Variants in STRN4 observed in about 807,000 individuals in gnomAD.
The protein encoded by STRN4 is striatin-4.
Under a neutral mutation model 77.9 loss-of-function variants are expected in STRN4, and 27 were observed. The ratio of observed to expected loss-of-function variants is 0.35; its 90% confidence interval spans 0.26 to 0.48. STRN4 has a LOEUF of 0.48. Ranked by LOEUF, STRN4 falls within the 20% of genes least tolerant of loss-of-function variation. The pLI is 0.99. For synonymous variants in STRN4, 466 were observed against 443.1 expected, an observed-to-expected ratio of 1.05 and a Z score of -0.65; for missense variants, 798 against 1,049.7, an observed-to-expected ratio of 0.76 and a Z score of 3.31.
At position 46,738,704 on chromosome 19, in the gene STRN4, A is replaced by G; in HGVS notation, c.386+81T>C. On this transcript the variant is annotated intron_variant, in intron 2 of 17. Transcript: ENST00000263280. The surrounding 1 kb of genome is among the most constrained non-coding windows in gnomAD (Gnocchi z 4.5). The stretch of plus-strand genomic sequence containing the variant: ...TCGACCCCAAATCTCCCTTAGCTGG[A>G]AGGAGGCGTGGCTGGTGGCCTCCTG... 1 of 1,302,538 alleles carries G rather than the reference A, an allele frequency of 7.7e-7. No homozygotes were observed. Among genetic ancestry groups the G allele is most frequent in the African/African-American group, 1.5e-5 (1 of 68,804 alleles). The allele number at this position is 1,302,538 out of a possible 1,614,324, so 80.7% of individuals were successfully genotyped here. A position where few individuals can be genotyped will look rare whatever the true frequency, so the allele number is the denominator to read the frequency against.
intron 12 of STRN4, 75 bp downstream of exon 12, chr19:46,724,732 G>T: frequency 6.2e-7 from 1 of 1,602,236 alleles, no homozygotes; most frequent in South Asian, 1.1e-5. Flanking sequence ...AGAGGTGGAC[G>T]CGACGTGTGT....
chr19:46,731,507 T>G (rs1382442630), intron 5 of STRN4: 1 of 152,886 alleles, frequency 6.5e-6, no homozygotes, highest in Non-Finnish European at 1.5e-5. Flanking sequence ...CAATTCCAAG[T>G]GCAGATCGAC....
chr19:46,735,513 A>G (rs2054341486), intron 4 of STRN4, among the ~76,000 whole-genome samples: 1 of 152,152 alleles, frequency 6.6e-6, no homozygotes, highest in South Asian at 2.1e-4. Context: ...AACAGAGGCA[A>G]AAATACACAG....
rs1265472530 is a variant in STRN4 at position 46,741,948 on chromosome 19, T to C, written c.283-3060A>G. Among the ~76,000 whole-genome samples, 4 of 152,244 alleles carry C rather than the reference T, an allele frequency of 2.6e-5. No individual in the cohort carries two copies. In the East Asian group the frequency reaches 7.7e-4, roughly 29 times the overall value. On this transcript the variant is annotated intron_variant, in intron 1 of 17. Transcript: ENST00000263280. This position sits in a 1 kb window ranked among gnomAD's most constrained non-coding sequence, Gnocchi z 4.9. ...GGCAGGGGCAGCTCCGCACATTCTCTGCTGGCACCGCACTCACTGCAGGTC... is the reference window on the plus strand; with the variant it reads ...GGCAGGGGCAGCTCCGCACATTCTCCGCTGGCACCGCACTCACTGCAGGTC...
At chr19:46,722,145 C>G (rs2053992738) in intron 15 of STRN4, 73 bp from the exon 16 acceptor site, 1 of 1,601,842 alleles carries the variant, frequency 6.2e-7, no homozygotes, top group Non-Finnish European at 8.5e-7. Flanking sequence ...AAGGACTGGA[C>G]GAGAGACTCC....
rs1369126267 is a variant in STRN4 at position 46,730,834 on chromosome 19, G to A, written c.777C>T (p.Gly259=). Residue 259 remains glycine (G), a synonymous_variant, in exon 6 of 18, where the codon GGC becomes GGT. Coordinates refer to ENST00000263280, the MANE Select transcript of STRN4 (RefSeq NM_013403.3). ...GGAAGGGGATCTGCCCCAGCACTGA[G>A]CCGCCCAAGCGCTCTTTGCCATCTT... is the stretch of plus-strand genomic sequence containing the variant. The part of the protein sequence containing the change: ...AGKDGKERLG[G]SVLGQIPFLQ... 2.5e-6 allele frequency: 4 copies of A among 1,612,328 alleles called. No homozygotes were observed. In the Admixed American group the frequency reaches 6.7e-5, roughly 27 times the overall value.
At chr19:46,728,195 T>A (rs2054166993) in intron 7 of STRN4, 188 bp from the exon 8 acceptor site, 1 of 706,730 alleles carries the variant, frequency 1.4e-6, no homozygotes, top group Non-Finnish European at 2.5e-6. Flanking sequence ...AGTGGGCAGG[T>A]CACTGCCTTG....
In STRN4 at chr19:46,722,810, C is replaced by T. The variant is rs2122226489; in HGVS notation, c.1906G>A (p.Gly636Ser). 1 of 1,613,668 alleles carries T rather than the reference C, an allele frequency of 6.2e-7. No homozygotes were observed. Residue 636 changes from glycine (G) to serine (S), a missense_variant and splice_region_variant, in exon 14 of 18, where the codon GGT becomes AGT. Gly to Ser is a moderately conservative substitution (Grantham distance 56, BLOSUM62 0). Transcript: ENST00000263280. ...LLTLESRGSS[G>S]PTQINQVVSH... ...CATGAGCTGATGTCAGCCCCCTTAC[C>T]GCTGCTGCCCCGGGACTCCAGCGTG...
intron 8 of STRN4, 65 bp from the exon 9 acceptor site, chr19:46,727,611 G>T: frequency 7.4e-7 from 1 of 1,357,764 alleles, no homozygotes; most frequent in Non-Finnish European, 1.0e-6. Context: ...GCCAGGGAGA[G>T]AGAGAATGAC....
chr19:46,727,044 A>AGCTCCCAGCTGGCCAAAG (rs542531236), intron 9 of STRN4, among the ~76,000 whole-genome samples: 3 of 151,792 alleles, frequency 2.0e-5, no homozygotes, highest in African/African-American at 4.8e-5. Flanking sequence ...CCACACCAAA[A>AGCTCCCAGCTGGCCAAAG]GCTCCCAGCT....
chr19:46,745,946 C>T (rs1171656908), intron 1 of STRN4: 1 of 555,116 alleles, frequency 1.8e-6, no homozygotes, highest in Non-Finnish European at 2.8e-6. Context: ...CGGGCCGTCC[C>T]GGTCCCGTCC....
intron 16 of STRN4, 52 bp from the exon 17 acceptor site, chr19:46,720,823 C>T (rs750954409): frequency 1.7e-5 from 25 of 1,494,308 alleles, no homozygotes; most frequent in Middle Eastern, 1.8e-4. Flanking sequence ...CTCGCTCAGA[C>T]GCAGCCCTGG....
rs1599860326 is a variant in STRN4, at chr19:46,723,860, G to A, written c.1595-576C>T. On this transcript the variant is annotated intron_variant, in intron 12 of 17. Transcript: ENST00000263280. This position sits in a 1 kb window ranked among gnomAD's most constrained non-coding sequence, Gnocchi z 5.5. ...GGACCGATCCTGACCTTGTGCAGGTGAGCCTGTTCTCTAAAGTCTGTCCTC... is the reference window on the plus strand; with the variant it reads ...GGACCGATCCTGACCTTGTGCAGGTAAGCCTGTTCTCTAAAGTCTGTCCTC... Among the ~76,000 whole-genome samples, 1 of 152,198 alleles carries A rather than the reference G, an allele frequency of 6.6e-6. No homozygotes were observed. The highest frequency in any genetic ancestry group is 2.1e-4 in the South Asian group (1 of 4,832).
In STRN4 at chr19:46,720,518, C is replaced by A. The variant is rs371929132; in HGVS notation, c.*66+18G>T. 1.4e-6 allele frequency: 2 copies of A among 1,415,326 alleles called. No individual in the cohort carries two copies. Among genetic ancestry groups the A allele is most frequent in the South Asian group, 1.6e-5 (1 of 63,720 alleles). 87.7% of individuals were successfully genotyped at this position (1,415,326 alleles called of 1,614,324 possible). The stretch of plus-strand genomic sequence containing the variant: ...CATGGGCGTGCAGAGACTCAGAATG[C>A]GGGGTTTCTGCCCTCACCTCAGCCC... On this transcript the variant is annotated intron_variant, in intron 17 of 17. Transcript: ENST00000263280.
intron 8 of STRN4, 119 bp downstream of exon 8, chr19:46,727,775 A>C (rs1599869564): frequency 2.1e-6 from 2 of 945,584 alleles, no homozygotes; most frequent in Non-Finnish European, 3.1e-6. Flanking sequence ...TGGGGCAGGG[A>C]GGCTGCAGAC....
Position 46,738,201 on chromosome 19 carries a change from C to G in STRN4, c.423G>C (p.Leu141=). 6.2e-7 allele frequency: 1 copy of G among 1,614,198 alleles called. No individual in the cohort carries two copies. The highest frequency in any genetic ancestry group is 2.2e-5 in the East Asian group (1 of 44,882). Residue 141 remains leucine, a synonymous_variant, in exon 3 of 18, where the codon CTG becomes CTC. Coordinates refer to ENST00000263280, the MANE Select transcript of STRN4 (RefSeq NM_013403.3). This position sits in a 1 kb window ranked among gnomAD's most constrained non-coding sequence, Gnocchi z 4.5. ...KYHKLKFGTD[L]NQGEKKADVS... is the part of the protein sequence containing the mutation. ...CATCTGCTTTCTTCTCCCCCTGGTT[C>G]AGGTCTGTCCCAAACTTCAGTTTAT...
intron 3 of STRN4, among the ~76,000 whole-genome samples, chr19:46,737,395 G>A (rs781676195): frequency 6.6e-6 from 1 of 152,238 alleles, no homozygotes; most frequent in Non-Finnish European, 1.5e-5. Flanking sequence ...CCAGGGGCCT[G>A]GGCTACATGG....
chr19:46,739,931 C>A (rs1164389909), intron 1 of STRN4, among the ~76,000 whole-genome samples: 2 of 152,188 alleles, frequency 1.3e-5, no homozygotes, highest in African/African-American at 2.4e-5. Flanking sequence ...TTCGCAACTT[C>A]GAAATGGGCC....
chr19:46,741,237 G>A lies in STRN4; in HGVS notation c.283-2349C>T, dbSNP rs913876910. ...GAACGGTAGTGGCTTGGACTAGGCCGGGGCAGTGGACACAGTAGTGGTCTA... is the reference window on the plus strand; with the variant it reads ...GAACGGTAGTGGCTTGGACTAGGCCAGGGCAGTGGACACAGTAGTGGTCTA... On this transcript the variant is annotated intron_variant, in intron 1 of 17. Transcript: ENST00000263280. The surrounding 1 kb of genome is among the most constrained non-coding windows in gnomAD (Gnocchi z 4.9). Among the ~76,000 whole-genome samples, 2 of 152,102 alleles carry A rather than the reference G, an allele frequency of 1.3e-5. No homozygotes were observed. The highest frequency in any genetic ancestry group is 1.9e-4 in the East Asian group (1 of 5,184).
Sources: gnomAD v4.1 joint callset for allele counts (sites outside exome capture counted in the v4.1 genomes callset) on GRCh38, gnomAD v4.1.1 for gene constraint, Gnocchi (gnomAD v3.1) non-coding constraint, MANE v1.5 for transcripts, NCBI Gene and HGNC (gene_info 2026-07-23, HGNC 2026-07-21) for gene names.